The following CEP350 variants were observed in gnomAD, a reference collection of about 807,000 sequenced individuals.
The protein encoded by CEP350 is centrosome-associated protein 350.
A neutral mutation model predicts 331.8 loss-of-function variants in CEP350; 126 were observed. The ratio of observed to expected loss-of-function variants is 0.38; its 90% CI spans 0.33 to 0.44. The LOEUF is 0.44. Ranked by LOEUF, CEP350 falls within the 20% of genes least tolerant of loss-of-function variation. The pLI is 1.00. For synonymous variants in CEP350, 1,200 were observed against 1,259.5 expected (o/e 0.95, Z 1.00); for missense variants, 3,406 against 3,634.6 (o/e 0.94, Z 1.62).
intron 27 of CEP350, among the ~76,000 whole-genome samples, chr1:180,073,563 A>G (rs1246612882): frequency 6.6e-6 from 1 of 152,226 alleles, no homozygotes; most frequent in African/African-American, 2.4e-5. Flanking sequence ...GTTAAGCAAC[A>G]TATGAGAAGA....
intron 37 of CEP350, among the ~76,000 whole-genome samples, chr1:180,101,148 A>G (rs1370164599): frequency 2.6e-5 from 4 of 152,196 alleles, no homozygotes; most frequent in Non-Finnish European, 5.9e-5. Flanking sequence ...TAAGAATTGA[A>G]GCAATTTAGC....
At chr1:179,973,990 C>G (rs1454523112) in intron 1 of CEP350, among the ~76,000 whole-genome samples, 1 of 151,774 alleles carries the variant, frequency 6.6e-6, no homozygotes, top group Non-Finnish European at 1.5e-5. Flanking sequence ...CCTCCTTCTT[C>G]ACCATTCATC....
chr1:180,041,868 C>T, intron 19 of CEP350, 66 bp downstream of exon 19: 1 of 1,422,362 alleles, frequency 7.0e-7, no homozygotes, highest in Non-Finnish European at 9.7e-7. Context: ...CTTTGATCTT[C>T]AGTAATGGGT....
chr1:180,086,859 T>C (rs1393842107), intron 31 of CEP350, among the ~76,000 whole-genome samples: 1 of 152,154 alleles, frequency 6.6e-6, no homozygotes, highest in East Asian at 1.9e-4. Flanking sequence ...CATTAGTTCA[T>C]TTTATAAATA....
intron 13 of CEP350, 131 bp from the exon 14 acceptor site, chr1:180,024,288 T>TA (rs1655521279): frequency 4.1e-6 from 3 of 727,208 alleles, no homozygotes; most frequent in Non-Finnish European, 6.0e-6. Context: ...TAAAAAAAAA[T>TA]AATAAAGTGT....
At position 179,969,459 on chromosome 1, in the gene CEP350, TC is replaced by T. The variant is rs544255489; in HGVS notation, c.-14+14320del. The T allele has an allele frequency of 1.2e-3, 604 of 488,862 alleles. 1 individual carries two copies. The highest frequency in any genetic ancestry group is 1.4e-3 in the Non-Finnish European group (343 of 244,252). The allele number at this position is 488,862 out of a possible 1,614,324, so 30.3% of individuals were successfully genotyped here. On this transcript the variant is annotated intron_variant, in intron 1 of 37. Transcript: ENST00000367607. Reference sequence around the variant, plus strand: ...AGTGCTCAGAAGACTGGTCTACAGCTCCCACTGCTCAGGCCACTGAATGGGT... The same window carrying T: ...AGTGCTCAGAAGACTGGTCTACAGCTCCACTGCTCAGGCCACTGAATGGGT...
chr1:180,024,273 G>T, intron 13 of CEP350, 146 bp from the exon 14 acceptor site: 1 of 631,302 alleles, frequency 1.6e-6, no homozygotes. Flanking sequence ...CAGGCTTATG[G>T]TGGTTAAAAA....
At chr1:179,993,580 C>G (rs1306747820) in intron 5 of CEP350, among the ~76,000 whole-genome samples, 1 of 151,964 alleles carries the variant, frequency 6.6e-6, no homozygotes, top group Non-Finnish European at 1.5e-5. Context: ...CTACCATGAC[C>G]GACTAATTTT....
intron 1 of CEP350, among the ~76,000 whole-genome samples, chr1:179,981,481 ATTTTATTATAAGTAAGTT>A (rs1224906945): frequency 1.2e-4 from 19 of 152,298 alleles, no homozygotes; most frequent in African/African-American, 4.6e-4. Context: ...TTGATAGATT[ATTTTATTATAAGTAAGTT>A]TTTTATTGCA....
rs1661461412 is a variant in CEP350 at position 180,111,382 on chromosome 1, A to C, written c.*221A>C. 1 of 508,338 alleles carries C rather than the reference A, an allele frequency of 2.0e-6. No individual in the cohort carries two copies. Among genetic ancestry groups the C allele is most frequent in the East Asian group, 3.5e-5 (1 of 28,472 alleles). 31.5% of individuals were successfully genotyped at this position (508,338 alleles called of 1,614,324 possible). A position where few individuals can be genotyped will look rare whatever the true frequency, so the allele number is the denominator to read the frequency against. Reference sequence around the variant, plus strand: ...GATTAATGGGTTATTTTCAGTGGGCAGGGTTGCACAGTGTAATCCTACACC... The same window carrying C: ...GATTAATGGGTTATTTTCAGTGGGCCGGGTTGCACAGTGTAATCCTACACC... On this transcript the variant is annotated 3_prime_UTR_variant, in exon 38 of 38. Coordinates refer to ENST00000367607, the MANE Select transcript of CEP350 (RefSeq NM_014810.5).
At chr1:180,110,557 A>G (rs1342756771) in intron 37 of CEP350, among the ~76,000 whole-genome samples, 1 of 152,200 alleles carries the variant, frequency 6.6e-6, no homozygotes, top group Non-Finnish European at 1.5e-5. Context: ...AGGTGTATTC[A>G]CTGCATTTTT....
chr1:180,050,886 A>G (rs1175461925), intron 22 of CEP350, among the ~76,000 whole-genome samples: 1 of 152,188 alleles, frequency 6.6e-6, no homozygotes, highest in Non-Finnish European at 1.5e-5. Context: ...CTATCAGAAA[A>G]ACAGACAATA....
intron 37 of CEP350, among the ~76,000 whole-genome samples, chr1:180,101,840 G>A (rs1660833757): frequency 6.6e-6 from 1 of 152,218 alleles, no homozygotes; most frequent in Non-Finnish European, 1.5e-5. Context: ...TATTAGGAAG[G>A]ATATTGCAAA....
chr1:180,108,216 C>CGA (rs756624530), intron 37 of CEP350, among the ~76,000 whole-genome samples: 1 of 151,984 alleles, frequency 6.6e-6, no homozygotes, highest in Admixed American at 6.6e-5. Context: ...GAGGTTACAC[C>CGA]GAGAGAGAGA....
At chr1:180,004,890 G>T (rs767232518) in intron 7 of CEP350, among the ~76,000 whole-genome samples, 825 of 41,456 alleles carry the variant, frequency 0.02, 8 homozygotes, top group South Asian at 0.04. Flanking sequence ...TTGCTTGCTT[G>T]CTTGCTTGCT....
intron 25 of CEP350, 34 bp from the exon 26 acceptor site, chr1:180,062,186 A>G (rs1658267832): frequency 2.0e-6 from 3 of 1,527,438 alleles, no homozygotes; most frequent in Non-Finnish European, 8.8e-7. Context: ...TCTTCTCCCA[A>G]TCTTAATCCC....
intron 10 of CEP350, 63 bp downstream of exon 10, chr1:180,014,568 C>T: frequency 6.9e-7 from 1 of 1,439,894 alleles, no homozygotes; most frequent in Non-Finnish European, 9.2e-7. Context: ...ATTTGCTATA[C>T]TATTTAAAAA....
chr1:180,036,775 C>A, intron 16 of CEP350, 151 bp from the exon 17 acceptor site: 1 of 740,344 alleles, frequency 1.4e-6, no homozygotes, highest in Non-Finnish European at 2.0e-6. Flanking sequence ...TGGAACTGAA[C>A]CTGCAGTATC....
intron 37 of CEP350, among the ~76,000 whole-genome samples, chr1:180,109,809 A>AT (rs1191233118): frequency 2.6e-5 from 4 of 151,886 alleles, no homozygotes; most frequent in Admixed American, 2.6e-4. Flanking sequence ...CAGATTTTGT[A>AT]TTTTTAGTAG....
Sources: gnomAD v4.1 joint callset for allele counts (sites outside exome capture counted in the v4.1 genomes callset) on GRCh38, gnomAD v4.1.1 for gene constraint, MANE v1.5 for transcripts, NCBI Gene and HGNC (gene_info 2026-07-23, HGNC 2026-07-21) for gene names.